AKT3: variants seen among roughly 807,000 people sequenced by gnomAD.
AKT3 encodes the protein RAC-gamma serine/threonine-protein kinase.
In AKT3, 15 loss-of-function variants were observed where a neutral mutation model predicts 65.3. The ratio of observed to expected loss-of-function variants is 0.23; its 90% CI spans 0.15 to 0.35. The LOEUF (loss-of-function observed/expected upper bound fraction) is 0.35. AKT3 is among the 10% of genes least tolerant of loss of function. The probability of loss-of-function intolerance (pLI) is 1.00; values close to 1 mark genes in which losing one functional copy is unlikely to be tolerated. For synonymous variants in AKT3, 206 were observed against 183.8 expected (o/e 1.12, Z -0.98); for missense variants, 243 against 576.5 (o/e 0.42, Z 5.92).
intron 2 of AKT3, among the ~76,000 whole-genome samples, chr1:243,805,033 C>A (rs914300233): frequency 6.6e-6 from 1 of 152,042 alleles, no homozygotes; most frequent in African/African-American, 2.4e-5. Flanking sequence ...TCTGCCATAC[C>A]ACTCACCAAC....
At chr1:243,517,322 T>G (rs1165903061) in intron 12 of AKT3, among the ~76,000 whole-genome samples, 1 of 152,236 alleles carries the variant, frequency 6.6e-6, no homozygotes, top group African/African-American at 2.4e-5. Context: ...GTCAGTTAGA[T>G]CAAGCTGACT....
At chr1:243,511,438 C>T (rs1183978014) in intron 13 of AKT3, among the ~76,000 whole-genome samples, 1 of 152,134 alleles carries the variant, frequency 6.6e-6, no homozygotes, top group African/African-American at 2.4e-5. Context: ...CGCCCCTCTC[C>T]CGGACACTGA....
intron 5 of AKT3, among the ~76,000 whole-genome samples, chr1:243,642,831 T>G (rs1379542239): frequency 2.0e-5 from 3 of 152,174 alleles, no homozygotes. Context: ...AGACACTGTC[T>G]AGCCCACAAA....
intron 3 of AKT3, among the ~76,000 whole-genome samples, chr1:243,678,633 A>T (rs1470905436): frequency 6.6e-6 from 1 of 152,214 alleles, no homozygotes; most frequent in Non-Finnish European, 1.5e-5. Flanking sequence ...GGTCATTTCC[A>T]GTTCACAAAT....
chr1:243,494,603 T>C (rs1232433787), intron 13 of AKT3, among the ~76,000 whole-genome samples: 2 of 152,206 alleles, frequency 1.3e-5, no homozygotes, highest in Non-Finnish European at 2.9e-5. Context: ...GAAAAGCGCA[T>C]AGGGCTTCAT....
intron 2 of AKT3, among the ~76,000 whole-genome samples, chr1:243,749,388 C>G (rs946160281): frequency 1.3e-5 from 2 of 152,010 alleles, no homozygotes; most frequent in African/African-American, 2.4e-5. Flanking sequence ...CCTCTTCAAA[C>G]CCCTCTCCCC....
intron 5 of AKT3, among the ~76,000 whole-genome samples, chr1:243,642,530 C>G (rs111570734): frequency 7.2e-5 from 11 of 152,250 alleles, no homozygotes; most frequent in South Asian, 2.1e-4. Flanking sequence ...AGGATGGTCT[C>G]GATCTCCTGA....
chr1:243,715,949 A>C (rs780414481), intron 2 of AKT3, among the ~76,000 whole-genome samples: 15 of 152,122 alleles, frequency 9.9e-5, no homozygotes, highest in Non-Finnish European at 1.8e-4. Context: ...TTTGTCCAGG[A>C]AAGGTGTTGT....
intron 2 of AKT3, among the ~76,000 whole-genome samples, chr1:243,762,890 G>C (rs746401216): frequency 6.6e-6 from 1 of 151,994 alleles, no homozygotes; most frequent in African/African-American, 2.4e-5. Flanking sequence ...ACTTATCTGA[G>C]TAGAAAATAT....
chr1:243,523,886 T>C (rs1405433673), intron 12 of AKT3, among the ~76,000 whole-genome samples: 1 of 152,220 alleles, frequency 6.6e-6, no homozygotes, highest in Non-Finnish European at 1.5e-5. Flanking sequence ...GTTGGCACAA[T>C]ACTTACCATA....
chr1:243,649,338 T>C (rs1233981390), intron 4 of AKT3, among the ~76,000 whole-genome samples: 2 of 150,914 alleles, frequency 1.3e-5, no homozygotes, highest in Non-Finnish European at 2.9e-5. Context: ...TGTGTGTGTG[T>C]GTGTGTGTGT....
At chr1:243,761,444 G>T (rs777936421) in intron 2 of AKT3, among the ~76,000 whole-genome samples, 1 of 151,822 alleles carries the variant, frequency 6.6e-6, no homozygotes, top group Non-Finnish European at 1.5e-5. Context: ...TTAAAAATAT[G>T]GAAAAAATGA....
chr1:243,530,839 C>T (rs1671473483), intron 12 of AKT3, among the ~76,000 whole-genome samples: 1 of 152,122 alleles, frequency 6.6e-6, no homozygotes. Flanking sequence ...GTCATTACTA[C>T]TCTTCAATTT....
intron 12 of AKT3, among the ~76,000 whole-genome samples, chr1:243,516,474 T>C (rs1462779342): frequency 6.6e-6 from 1 of 152,226 alleles, no homozygotes; most frequent in Non-Finnish European, 1.5e-5. Flanking sequence ...TTCTATTTCA[T>C]TGATTGCTAT....
intron 10 of AKT3, among the ~76,000 whole-genome samples, chr1:243,554,844 A>G (rs1673305280): frequency 6.6e-6 from 1 of 151,842 alleles, no homozygotes. Flanking sequence ...CCGAACCCAC[A>G]TTTCACCAGC....
intron 8 of AKT3, among the ~76,000 whole-genome samples, chr1:243,587,485 G>A (rs1001770050): frequency 2.0e-5 from 3 of 151,974 alleles, no homozygotes; most frequent in Non-Finnish European, 4.4e-5. Flanking sequence ...GGTGGCGGGC[G>A]CTGTAATCCC....
chr1:243,655,566 A>G (rs1474430980), intron 4 of AKT3, among the ~76,000 whole-genome samples: 2 of 152,126 alleles, frequency 1.3e-5, no homozygotes, highest in African/African-American at 4.8e-5. Context: ...AGGAAGATAT[A>G]ATCTTCTGTT....
chr1:243,832,310 T>C (rs1694591524), intron 2 of AKT3, among the ~76,000 whole-genome samples: 1 of 152,072 alleles, frequency 6.6e-6, no homozygotes, highest in Admixed American at 6.5e-5. Flanking sequence ...TAATTTCTGA[T>C]AAATTTTTAT....
chr1:243,741,098 T>TGTATGTTCCATATATCGTCAATAA (rs375704759), intron 2 of AKT3, among the ~76,000 whole-genome samples: 1 of 152,188 alleles, frequency 6.6e-6, no homozygotes, highest in African/African-American at 2.4e-5. Context: ...CATATATAAC[T>TGTATGTTCCATATATCGTCAATAA]GTATGTTCCA....
Sources: gnomAD v4.1 joint callset for allele counts (sites outside exome capture counted in the v4.1 genomes callset) on GRCh38, gnomAD v4.1.1 for gene constraint, MANE v1.5 for transcripts, NCBI Gene and HGNC (gene_info 2026-07-23, HGNC 2026-07-21) for gene names.